ACVR2A: variants seen among roughly 807,000 people sequenced by gnomAD.
ACVR2A encodes activin A receptor type 2A, also known as activin receptor type-2A.
A neutral mutation model predicts 61.4 loss-of-function variants in ACVR2A; 7 were observed. That is an observed-to-expected ratio of 0.11 (90% confidence interval 0.06 to 0.21). ACVR2A has a LOEUF of 0.21. Among genes scored for constraint, ACVR2A ranks in the 10% least tolerant of loss-of-function variants. The pLI is 1.00. For synonymous variants in ACVR2A, 193 were observed against 208.3 expected, an observed-to-expected ratio of 0.93 and a Z score of 0.63; for missense variants, 322 against 621.7, an observed-to-expected ratio of 0.52 and a Z score of 5.13.
chr2:147,895,100 A>T (rs1686695614), intron 1 of ACVR2A, among the ~76,000 whole-genome samples: 1 of 152,194 alleles, frequency 6.6e-6, no homozygotes, highest in Non-Finnish European at 1.5e-5. Flanking sequence ...CCAGTCTTTT[A>T]TTATTTGCTA....
chr2:147,890,583 C>T (rs1263722327), intron 1 of ACVR2A, among the ~76,000 whole-genome samples: 2 of 152,150 alleles, frequency 1.3e-5, no homozygotes, highest in African/African-American at 2.4e-5. Context: ...TGCACGCAAA[C>T]CTTTTATACT....
intron 1 of ACVR2A, among the ~76,000 whole-genome samples, chr2:147,849,025 CTA>C (rs1271725878): frequency 6.6e-6 from 1 of 152,040 alleles, no homozygotes; most frequent in Non-Finnish European, 1.5e-5. Context: ...GAGAAACAGA[CTA>C]TAGATACGCA....
chr2:147,918,611 G>T lies in ACVR2A; in HGVS notation c.962+19G>T. The T allele has an allele frequency of 6.3e-7, 1 of 1,582,820 alleles. No individual in the cohort carries two copies. Reference sequence around the variant, plus strand: ...CTCACAGGTAGACTAAATTTATATTGTTTTCCCAGATAATTGAGTATATAT... The same window carrying T: ...CTCACAGGTAGACTAAATTTATATTTTTTTCCCAGATAATTGAGTATATAT... On this transcript the variant is annotated intron_variant, in intron 7 of 10. Coordinates refer to ENST00000241416, the MANE Select transcript of ACVR2A (RefSeq NM_001616.5).
intron 1 of ACVR2A, among the ~76,000 whole-genome samples, chr2:147,849,830 A>C (rs1377441902): frequency 1.3e-5 from 2 of 152,218 alleles, no homozygotes; most frequent in African/African-American, 2.4e-5. Flanking sequence ...TGGGTCCACC[A>C]GACTCACTGT....
intron 5 of ACVR2A, among the ~76,000 whole-genome samples, chr2:147,915,730 A>G (rs867193682): frequency 1.3e-5 from 2 of 151,972 alleles, no homozygotes; most frequent in Non-Finnish European, 1.5e-5. Context: ...ATTTAGAGGT[A>G]TATCACCAGA....
chr2:147,899,907 T>C lies in ACVR2A; in HGVS notation c.528+9T>C, dbSNP rs1349877376. 1.2e-6 allele frequency: 2 copies of C among 1,612,912 alleles called. No individual in the cohort carries two copies. Among genetic ancestry groups the C allele is most frequent in the Non-Finnish European group, 1.7e-6 (2 of 1,179,172 alleles). On this transcript the variant is annotated intron_variant, in intron 4 of 10. Transcript: ENST00000241416. ...TACTTGTTCCAACTCAAGTAAGTTA[T>C]TGTCCTGTACTTTGTAGTGTTTTAA...
chr2:147,908,026 A>T (rs1687027290), intron 4 of ACVR2A, among the ~76,000 whole-genome samples: 1 of 149,112 alleles, frequency 6.7e-6, no homozygotes, highest in Admixed American at 6.7e-5. Context: ...GTGACAGAGC[A>T]AGACTCTGTT....
chr2:147,887,589 T>A (rs1431333320), intron 1 of ACVR2A, among the ~76,000 whole-genome samples: 1 of 152,202 alleles, frequency 6.6e-6, no homozygotes, highest in East Asian at 1.9e-4. Context: ...TATCATTATT[T>A]TTATAAAAAT....
At chr2:147,922,850 G>C in intron 8 of ACVR2A, 123 bp from the exon 9 acceptor site, 1 of 885,544 alleles carries the variant, frequency 1.1e-6, no homozygotes, top group Non-Finnish European at 1.7e-6. Context: ...CTATTTATAC[G>C]CTATAGTGTG....
chr2:147,853,751 A>T (rs1685500396), intron 1 of ACVR2A, among the ~76,000 whole-genome samples: 1 of 152,026 alleles, frequency 6.6e-6, no homozygotes, highest in Non-Finnish European at 1.5e-5. Flanking sequence ...GCTTAGAGGG[A>T]GGAGTTTTCG....
At chr2:147,889,746 CA>C (rs1235346144) in intron 1 of ACVR2A, among the ~76,000 whole-genome samples, 9 of 148,066 alleles carry the variant, frequency 6.1e-5, no homozygotes, top group Non-Finnish European at 1.2e-4. Context: ...GACTCCGTCT[CA>C]AAAAAAAAGA....
intron 1 of ACVR2A, among the ~76,000 whole-genome samples, chr2:147,872,366 T>C (rs528007795): frequency 3.5e-4 from 53 of 152,028 alleles, no homozygotes; most frequent in African/African-American, 1.3e-3. Flanking sequence ...TATGTTGTGC[T>C]TCATATTTTC....
In ACVR2A at chr2:147,927,179, C is replaced by G; in HGVS notation, c.1447C>G (p.Gln483Glu). 3.7e-6 allele frequency: 6 copies of G among 1,612,236 alleles called. No homozygotes were observed. Among genetic ancestry groups the G allele is most frequent in the Non-Finnish European group, 5.1e-6 (6 of 1,178,816 alleles). ...GCVGERITQM[Q>E]RLTNIITTED... ...TGTAGGTGAAAGAATTACCCAGATG[C>G]AGAGACTAACAAATATTATTACCAC... Residue 483 changes from glutamine (Q) to glutamate (E), a missense_variant, in exon 11 of 11, where the codon CAG becomes GAG. Transcript: ENST00000241416.
intron 1 of ACVR2A, among the ~76,000 whole-genome samples, chr2:147,885,219 A>C (rs1686400483): frequency 1.3e-5 from 2 of 152,164 alleles, no homozygotes; most frequent in South Asian, 4.1e-4. Flanking sequence ...TTCTCTAAAA[A>C]AAAATTTCTA....
chr2:147,924,565 T>C (rs976565069), intron 9 of ACVR2A, among the ~76,000 whole-genome samples: 15 of 151,922 alleles, frequency 9.9e-5, no homozygotes, highest in African/African-American at 3.1e-4. Flanking sequence ...GATACTGACT[T>C]TTCTTAAATG....
At chr2:147,880,165 G>T (rs926228317) in intron 1 of ACVR2A, among the ~76,000 whole-genome samples, 1 of 152,034 alleles carries the variant, frequency 6.6e-6, no homozygotes, top group Non-Finnish European at 1.5e-5. Flanking sequence ...TATGGTTGCT[G>T]CTCTGTATTA....
At position 147,920,134 on chromosome 2, in the gene ACVR2A, T is replaced by C. The variant is rs1573711665; in HGVS notation, c.963-96T>C. ...TTTCATAATTTTAAGTAACTATTTTTTCATAGTGTACATATTCCCCCTTTT... is the reference window on the plus strand; with the variant it reads ...TTTCATAATTTTAAGTAACTATTTTCTCATAGTGTACATATTCCCCCTTTT... On this transcript the variant is annotated intron_variant, in intron 7 of 10. Coordinates refer to ENST00000241416, the MANE Select transcript of ACVR2A (RefSeq NM_001616.5). 5.3e-6 allele frequency: 4 copies of C among 752,084 alleles called. No homozygotes were observed. The East Asian group carries it at 1.0e-4, about 20-fold the overall frequency. The allele number at this position is 752,084 out of a possible 1,614,324, so 46.6% of individuals were successfully genotyped here.
intron 1 of ACVR2A, among the ~76,000 whole-genome samples, chr2:147,870,189 ATGTC>A (rs1685974285): frequency 6.6e-6 from 1 of 152,042 alleles, no homozygotes; most frequent in African/African-American, 2.4e-5. Context: ...AGAGTGAAAA[ATGTC>A]TGACCTATAA....
At chr2:147,921,537 A>G (rs1687382299) in intron 8 of ACVR2A, among the ~76,000 whole-genome samples, 2 of 152,148 alleles carry the variant, frequency 1.3e-5, no homozygotes, top group Non-Finnish European at 2.9e-5. Flanking sequence ...GGCACCACCA[A>G]TTTTGGCAGT....
Sources: gnomAD v4.1 joint callset for allele counts (sites outside exome capture counted in the v4.1 genomes callset) on GRCh38, gnomAD v4.1.1 for gene constraint, MANE v1.5 for transcripts, NCBI Gene and HGNC (gene_info 2026-07-23, HGNC 2026-07-21) for gene names.